PSD3: variants seen among roughly 807,000 people sequenced by gnomAD.
PSD3 encodes the protein PH and SEC7 domain-containing protein 3.
A neutral mutation model predicts 105.5 loss-of-function variants in PSD3; 49 were observed. That is an observed-to-expected ratio of 0.46 (90% CI 0.37 to 0.59). The LOEUF (loss-of-function observed/expected upper bound fraction) is 0.59, where lower values mean the gene tolerates loss of function less well. Ranked by LOEUF, PSD3 falls within the 20% of genes least tolerant of loss-of-function variation. PSD3 has a pLI of 0.00. For missense variants in PSD3, 1,561 were observed against 1,263.8 expected (o/e 1.24, Z -3.57); for synonymous variants, 557 against 457.8 (o/e 1.22, Z -2.77).
chr8:18,549,548 T>C (rs1049059978), intron 15 of PSD3, among the ~76,000 whole-genome samples: 2 of 152,174 alleles, frequency 1.3e-5, no homozygotes, highest in East Asian at 3.9e-4. Context: ...TGCTAAAACT[T>C]CTCCACTGGA....
chr8:18,791,487 C>T (rs1418217197), intron 8 of PSD3, among the ~76,000 whole-genome samples: 2 of 151,974 alleles, frequency 1.3e-5, no homozygotes, highest in Non-Finnish European at 2.9e-5. Context: ...GAAAGGATTC[C>T]TTATTTAATA....
intron 1 of PSD3, among the ~76,000 whole-genome samples, chr8:19,011,213 C>T (rs1288512457): frequency 6.6e-6 from 1 of 152,164 alleles, no homozygotes; most frequent in African/African-American, 2.4e-5. Flanking sequence ...AAAGCAGATA[C>T]ACATTTTAAT....
intron 11 of PSD3, among the ~76,000 whole-genome samples, chr8:18,624,897 A>C (rs906216701): frequency 2.0e-5 from 3 of 151,926 alleles, no homozygotes; most frequent in African/African-American, 7.3e-5. Flanking sequence ...ATGTATGTAT[A>C]TACGTATGCC....
At chr8:18,545,217 T>A (rs750584943) in intron 15 of PSD3, among the ~76,000 whole-genome samples, 6 of 152,222 alleles carry the variant, frequency 3.9e-5, no homozygotes, top group Non-Finnish European at 7.3e-5. Flanking sequence ...TCTGTAAGTC[T>A]ACAAAGCTTA....
At chr8:18,771,890 C>T (rs750974385) in intron 8 of PSD3, among the ~76,000 whole-genome samples, 1 of 152,220 alleles carries the variant, frequency 6.6e-6, no homozygotes, top group Non-Finnish European at 1.5e-5. Context: ...CTCCTCTTTT[C>T]CCCTTCATGC....
chr8:18,592,994 A>T (rs4921936), intron 12 of PSD3, among the ~76,000 whole-genome samples: 13 of 152,114 alleles, frequency 8.5e-5, no homozygotes, highest in Middle Eastern at 3.4e-3. Flanking sequence ...AAAGACTTAC[A>T]TGTTAGACCT....
intron 1 of PSD3, among the ~76,000 whole-genome samples, chr8:18,957,280 A>G (rs1156885364): frequency 6.6e-6 from 1 of 151,854 alleles, no homozygotes; most frequent in Non-Finnish European, 1.5e-5. Flanking sequence ...CTGAGGCAGG[A>G]GAATCACTTG....
chr8:18,656,844 T>TG (rs1444761903), intron 9 of PSD3, among the ~76,000 whole-genome samples: 2 of 152,202 alleles, frequency 1.3e-5, no homozygotes, highest in African/African-American at 4.8e-5. Context: ...CTCAGCTTCC[T>TG]GAACAGCTGG....
rs145866463 is a variant in PSD3 at position 18,986,305 on chromosome 8, A to C, written c.21+27258T>G. Among the ~76,000 whole-genome samples, 545 of 152,298 alleles carry C rather than the reference A, an allele frequency of 3.6e-3. 3 individuals are homozygous for C. Among genetic ancestry groups the C allele is most frequent in the Middle Eastern group, 0.024 (7 of 294 alleles). ...TAAATTGTTTTCGCCCCTTGGTGTT[A>C]AGTTTTTCACTTGTTTTTGTTAGTG... On this transcript the variant is annotated intron_variant, in intron 1 of 15. Transcript: ENST00000327040.
chr8:18,912,329 G>A (rs896448709), intron 2 of PSD3, among the ~76,000 whole-genome samples: 3 of 152,174 alleles, frequency 2.0e-5, no homozygotes, highest in African/African-American at 7.2e-5. Flanking sequence ...ATATCCTTCA[G>A]GAACAGCGCT....
intron 3 of PSD3, among the ~76,000 whole-genome samples, chr8:18,870,377 A>T (rs1287406340): frequency 2.0e-5 from 3 of 152,174 alleles, no homozygotes; most frequent in Admixed American, 2.0e-4. Flanking sequence ...CCAGGGTCTA[A>T]GCTGGTGTAG....
Position 18,867,747 on chromosome 8 carries a change from C to T in PSD3, c.1561G>A (p.Val521Ile), listed in dbSNP as rs558057781. 84 of 1,614,060 alleles carry T rather than the reference C, an allele frequency of 5.2e-5. No homozygotes were observed. The highest frequency in any genetic ancestry group is 4.3e-4 in the African/African-American group (32 of 75,020). ...GGIVMGYSSG[V>I]TNGLNDASDS... Reference sequence around the variant, plus strand: ...CTGGCATCATTCAGCCCATTGGTGACGCCACTAGAATAGCCCATCACGATG... The same window carrying T: ...CTGGCATCATTCAGCCCATTGGTGATGCCACTAGAATAGCCCATCACGATG... The change falls in exon 4 of 16, where the codon GTC becomes ATC. Residue 521 changes from valine to isoleucine, a missense_variant. Coordinates refer to ENST00000327040, the MANE Select transcript of PSD3 (RefSeq NM_015310.4).
At chr8:18,588,427 G>C (rs1163189264) in intron 12 of PSD3, among the ~76,000 whole-genome samples, 1 of 152,168 alleles carries the variant, frequency 6.6e-6, no homozygotes, top group East Asian at 1.9e-4. Flanking sequence ...TAAGAAGAGA[G>C]TGGAGACTGG....
chr8:18,867,725 G>C lies in PSD3; in HGVS notation c.1583C>G (p.Ala528Gly). 1 of 1,613,970 alleles carries C rather than the reference G, an allele frequency of 6.2e-7. No homozygotes were observed. Among genetic ancestry groups the C allele is most frequent in the South Asian group, 1.1e-5 (1 of 91,056 alleles). Residue 528 changes from alanine to glycine, a missense_variant, in exon 4 of 16, where the codon GCC (alanine) becomes GGC (glycine). Physicochemically the swap from Ala to Gly is moderately conservative, Grantham distance 60. Coordinates refer to ENST00000327040, the MANE Select transcript of PSD3 (RefSeq NM_015310.4). ...GCCTTTCGTGTAGATGGAGTCGCTG[G>C]CATCATTCAGCCCATTGGTGACGCC... is the stretch of plus-strand genomic sequence containing the variant. ...SSGVTNGLNDASDSIYTKGTP... is the reference protein window; with the variant it reads ...SSGVTNGLNDGSDSIYTKGTP...
intron 1 of PSD3, among the ~76,000 whole-genome samples, chr8:18,979,039 A>T (rs932795110): frequency 6.6e-6 from 1 of 152,052 alleles, no homozygotes; most frequent in African/African-American, 2.4e-5. Flanking sequence ...TCCCTTTACC[A>T]CTGTGGGCTT....
Position 18,606,379 on chromosome 8 carries a change from A to G in PSD3, c.2411-5945T>C, listed in dbSNP as rs189660216. On this transcript the variant is annotated intron_variant, in intron 11 of 15. Coordinates refer to ENST00000327040, the MANE Select transcript of PSD3 (RefSeq NM_015310.4). ...TCCCCAGGGTTGGCCACCTCCCCAC[A>G]TTTGTACTCATGCTTTATTCCTGGC... 5.8e-3 allele frequency among the ~76,000 whole-genome samples: 886 copies of G among 152,240 alleles called. 6 individuals carry two copies. The highest frequency in any genetic ancestry group is 0.048 in the Middle Eastern group (14 of 294).
At chr8:18,916,612 T>C (rs998202503) in intron 2 of PSD3, among the ~76,000 whole-genome samples, 2 of 151,082 alleles carry the variant, frequency 1.3e-5, no homozygotes, top group African/African-American at 4.9e-5. Context: ...GTTGGTCAAA[T>C]GGAACAAAAT....
chr8:18,556,164 G>T, intron 15 of PSD3, 45 bp downstream of exon 15: 1 of 1,604,156 alleles, frequency 6.2e-7, no homozygotes, highest in Non-Finnish European at 8.5e-7. Flanking sequence ...CAGATCATAA[G>T]AAAACTCAGA....
chr8:18,735,434 G>A (rs1431003116), intron 9 of PSD3, among the ~76,000 whole-genome samples: 2 of 152,160 alleles, frequency 1.3e-5, no homozygotes, highest in East Asian at 3.9e-4. Flanking sequence ...ACGTACCCAA[G>A]TGGACACACT....
Sources: gnomAD v4.1 joint callset for allele counts (sites outside exome capture counted in the v4.1 genomes callset) on GRCh38, gnomAD v4.1.1 for gene constraint, MANE v1.5 for transcripts, NCBI Gene and HGNC (gene_info 2026-07-23, HGNC 2026-07-21) for gene names.